The following ARHGEF7 variants were observed in gnomAD, a reference collection of about 807,000 sequenced individuals.
ARHGEF7 encodes PAK-interacting exchange factor beta.
In ARHGEF7, 33 loss-of-function variants were observed where a neutral mutation model predicts 109.8. The observed-to-expected ratio is 0.30, with a 90% confidence interval of 0.23 to 0.40. ARHGEF7 has a LOEUF of 0.40. ARHGEF7 is among the 10% of genes least tolerant of loss of function. The probability of loss-of-function intolerance (pLI) is 1.00; values close to 1 mark genes in which losing one functional copy is unlikely to be tolerated. For synonymous variants in ARHGEF7, 458 were observed against 424.6 expected (o/e 1.08, Z -0.97); for missense variants, 938 against 1,098.5 (o/e 0.85, Z 2.07).
intron 19 of ARHGEF7, among the ~76,000 whole-genome samples, chr13:111,296,445 A>G (rs1338302258): frequency 2.0e-5 from 3 of 152,060 alleles, no homozygotes; most frequent in Non-Finnish European, 2.9e-5. Context: ...ATTTTTCAGC[A>G]CTGGGCAGGC....
intron 4 of ARHGEF7, among the ~76,000 whole-genome samples, chr13:111,215,479 C>G (rs901458430): frequency 6.6e-6 from 1 of 151,992 alleles, no homozygotes; most frequent in South Asian, 2.1e-4. Flanking sequence ...GCATAAATGC[C>G]TAGGCCTGTC....
At chr13:111,284,177 G>A (rs191738953) in intron 16 of ARHGEF7, among the ~76,000 whole-genome samples, 20 of 152,272 alleles carry the variant, frequency 1.3e-4, no homozygotes, top group African/African-American at 4.3e-4. Flanking sequence ...AGCAGTGCCC[G>A]TTGGTGGGGT....
At chr13:111,124,486 C>T (rs1224965179) in intron 1 of ARHGEF7, among the ~76,000 whole-genome samples, 1 of 152,258 alleles carries the variant, frequency 6.6e-6, no homozygotes, top group East Asian at 1.9e-4. Context: ...TGCTGGCCCT[C>T]TCCATGTTCT....
chr13:111,206,807 A>G (rs1380645029), intron 3 of ARHGEF7, among the ~76,000 whole-genome samples: 3 of 150,568 alleles, frequency 2.0e-5, no homozygotes, highest in Non-Finnish European at 3.0e-5. Context: ...TAAAAATACA[A>G]AAAAATTAGC....
intron 1 of ARHGEF7, among the ~76,000 whole-genome samples, chr13:111,120,696 C>T (rs780844114): frequency 2.6e-5 from 4 of 152,182 alleles, no homozygotes; most frequent in Admixed American, 2.0e-4. Flanking sequence ...TCTGCCTGCT[C>T]GCCTCCTTTC....
intron 17 of ARHGEF7, 148 bp downstream of exon 17, chr13:111,286,388 C>T: frequency 1.5e-6 from 1 of 665,306 alleles, no homozygotes. Flanking sequence ...AGGAATAAGC[C>T]ACGTAACATT....
At chr13:111,143,561 T>C (rs1323386086) in intron 1 of ARHGEF7, 1 of 152,160 alleles carries the variant, frequency 6.6e-6, no homozygotes, top group East Asian at 1.9e-4. Flanking sequence ...TTCCATTAGG[T>C]CACAAGCATG....
chr13:111,278,402 A>G (rs1200127565), intron 13 of ARHGEF7, among the ~76,000 whole-genome samples: 1 of 152,142 alleles, frequency 6.6e-6, no homozygotes, highest in Non-Finnish European at 1.5e-5. Context: ...ACTGCAGCAG[A>G]AGCCGCCACT....
intron 4 of ARHGEF7, among the ~76,000 whole-genome samples, chr13:111,210,653 T>C (rs894559999): frequency 6.6e-6 from 1 of 152,226 alleles, no homozygotes; most frequent in African/African-American, 2.4e-5. Flanking sequence ...TAAACAGGGC[T>C]GCCTGTAGAG....
At chr13:111,262,815 G>T (rs1026451888) in intron 8 of ARHGEF7, among the ~76,000 whole-genome samples, 2 of 152,306 alleles carry the variant, frequency 1.3e-5, no homozygotes, top group East Asian at 3.9e-4. Flanking sequence ...GACTCTAGCT[G>T]TCATCAGATC....
At chr13:111,282,277 A>G (rs3803225) in intron 15 of ARHGEF7, among the ~76,000 whole-genome samples, 136,559 of 152,190 alleles carry the variant, frequency 0.9, 61,315 homozygotes, top group Admixed American at 0.93. Flanking sequence ...ACAGCGCCAC[A>G]CAGCTTGTTC....
intron 19 of ARHGEF7, among the ~76,000 whole-genome samples, chr13:111,299,412 G>A (rs992210241): frequency 7.2e-6 from 1 of 139,094 alleles, no homozygotes; most frequent in South Asian, 2.2e-4. Context: ...GTGCAATCTC[G>A]GCTCACTGCA....
chr13:111,215,695 G>A (rs569114092), intron 4 of ARHGEF7, among the ~76,000 whole-genome samples: 5 of 152,156 alleles, frequency 3.3e-5, no homozygotes, highest in Non-Finnish European at 5.9e-5. Flanking sequence ...AGTCTTTTGC[G>A]TATTTCTAAG....
chr13:111,125,291 A>G (rs1383078307), intron 1 of ARHGEF7, among the ~76,000 whole-genome samples: 2 of 152,080 alleles, frequency 1.3e-5, no homozygotes, highest in Admixed American at 1.3e-4. Context: ...AAATTACTAG[A>G]GAAAACAAAA....
In ARHGEF7 at chr13:111,280,352, T is replaced by G; in HGVS notation, c.1585+2T>G. The G allele has an allele frequency of 6.2e-7, 1 of 1,612,620 alleles. No homozygotes were observed. Among genetic ancestry groups the G allele is most frequent in the Non-Finnish European group, 8.5e-7 (1 of 1,179,418 alleles). ...ATAGAAATGCATTTGAAATATCAGG[T>G]GATAGGCACAAGCTGTGTGAGTGCT... On this transcript the variant is annotated splice_donor_variant, in intron 14 of 21. Coordinates refer to ENST00000646102, the MANE Select transcript of ARHGEF7 (RefSeq NM_001354046.2). LOFTEE classifies it high-confidence loss of function.
At chr13:111,256,353 G>A (rs1239211828) in intron 8 of ARHGEF7, among the ~76,000 whole-genome samples, 1 of 152,198 alleles carries the variant, frequency 6.6e-6, no homozygotes, top group East Asian at 1.9e-4. Flanking sequence ...TAGCCACCAT[G>A]CCTTCTTTCA....
Position 111,272,174 on chromosome 13 carries a change from AAGG to A in ARHGEF7, c.1074-1636_1074-1634del, listed in dbSNP as rs749477652. ...CCCTGGCAGGGGATCCACATGGAATAAGGAGGGTGAGAAGCGGGAAGGGCTGGC... is the reference window on the plus strand; with the variant it reads ...CCCTGGCAGGGGATCCACATGGAATAAGGGTGAGAAGCGGGAAGGGCTGGC... On this transcript the variant is annotated intron_variant, in intron 9 of 21. Transcript: ENST00000646102. This position sits in a 1 kb window ranked among gnomAD's most constrained non-coding sequence, Gnocchi z 5.2. Among the ~76,000 whole-genome samples, 3 of 152,204 alleles carry A rather than the reference AAGG, an allele frequency of 2.0e-5. No homozygotes were observed. The highest frequency in any genetic ancestry group is 7.2e-5 in the African/African-American group (3 of 41,456).
chr13:111,158,868 T>C (rs1049160276), intron 2 of ARHGEF7, among the ~76,000 whole-genome samples: 1 of 152,264 alleles, frequency 6.6e-6, no homozygotes, highest in Admixed American at 6.5e-5. Flanking sequence ...TTCTTTGTGG[T>C]AAGAACATTT....
chr13:111,289,182 C>G (rs557470600), intron 18 of ARHGEF7, among the ~76,000 whole-genome samples: 2 of 152,272 alleles, frequency 1.3e-5, no homozygotes, highest in Admixed American at 1.3e-4. Flanking sequence ...CAGGTGCGCA[C>G]CACCACGCCC....
Sources: allele counts gnomAD v4.1 joint callset (sites outside exome capture counted in the v4.1 genomes callset), GRCh38; gene constraint gnomAD v4.1.1; non-coding constraint Gnocchi (gnomAD v3.1); transcripts MANE v1.5; gene names NCBI Gene and HGNC (gene_info 2026-07-23, HGNC 2026-07-21).